The following ASAP1 variants were observed in gnomAD, a reference collection of about 807,000 sequenced individuals.
The protein encoded by ASAP1 is ArfGAP with SH3 domain, ankyrin repeat and PH domain 1.
Under a neutral mutation model 145.2 loss-of-function variants are expected in ASAP1, and 43 were observed. The observed-to-expected ratio is 0.30, with a 90% CI of 0.23 to 0.38. The LOEUF is 0.38. Among genes scored for constraint, ASAP1 ranks in the 10% least tolerant of loss-of-function variants. The pLI is 1.00. For synonymous variants in ASAP1, 546 were observed against 515.5 expected, an observed-to-expected ratio of 1.06 and a Z score of -0.80; for missense variants, 1,018 against 1,355.3, an observed-to-expected ratio of 0.75 and a Z score of 3.91.
At chr8:130,341,033 C>G (rs1018552088) in intron 3 of ASAP1, 3 of 400,664 alleles carry the variant, frequency 7.5e-6, no homozygotes, top group African/African-American at 6.3e-5. Flanking sequence ...GTTTTTTAAC[C>G]GACATTAAAT....
chr8:130,126,902 T>C (rs2097575814), intron 16 of ASAP1, among the ~76,000 whole-genome samples: 1 of 152,218 alleles, frequency 6.6e-6, no homozygotes, highest in African/African-American at 2.4e-5. Flanking sequence ...TGACTCCTAC[T>C]AGCTGTGTGA....
At chr8:130,348,484 A>G (rs1244737104) in intron 3 of ASAP1, among the ~76,000 whole-genome samples, 1 of 152,180 alleles carries the variant, frequency 6.6e-6, no homozygotes, top group Non-Finnish European at 1.5e-5. Flanking sequence ...GTTCTTACAC[A>G]ACTGACCACA....
At chr8:130,158,347 T>TA (rs2097662093) in intron 12 of ASAP1, among the ~76,000 whole-genome samples, 1 of 139,526 alleles carries the variant, frequency 7.2e-6, no homozygotes, top group East Asian at 2.1e-4. Flanking sequence ...CTGCTTATAT[T>TA]TAAAAAAAAA....
At chr8:130,072,826 C>CGCGCGCGCAT (rs1554816421) in intron 27 of ASAP1, among the ~76,000 whole-genome samples, 1 of 13,792 alleles carries the variant, frequency 7.3e-5, no homozygotes, top group African/African-American at 2.0e-4. Context: ...TGTGTGTGTG[C>CGCGCGCGCAT]GCGCGGGGGG....
intron 2 of ASAP1, among the ~76,000 whole-genome samples, chr8:130,387,448 A>C (rs1451529617): frequency 6.6e-6 from 1 of 152,058 alleles, no homozygotes; most frequent in Non-Finnish European, 1.5e-5. Flanking sequence ...AGGCAGGAGA[A>C]TCACTTGGAC....
Position 130,192,011 on chromosome 8 carries a change from AC to A in ASAP1, c.406-3829del, listed in dbSNP as rs1430743823. On this transcript the variant is annotated intron_variant, in intron 5 of 29. Coordinates refer to ENST00000518721, the MANE Select transcript of ASAP1 (RefSeq NM_018482.4). ...ACCGGAAGGTTTCCCAATGTGTGTC[AC>A]CAGAGGGCTTCTCTGGTGACACACA... Among the ~76,000 whole-genome samples the A allele has an allele frequency of 2.0e-5, 3 of 151,866 alleles. No individual in the cohort carries two copies. In the East Asian group the frequency reaches 5.8e-4, roughly 29 times the overall value.
chr8:130,144,867 C>T (rs1051119079), intron 13 of ASAP1, among the ~76,000 whole-genome samples: 1 of 152,092 alleles, frequency 6.6e-6, no homozygotes, highest in African/African-American at 2.4e-5. Context: ...TTCCAGTTGG[C>T]AGAATGTATG....
intron 13 of ASAP1, among the ~76,000 whole-genome samples, chr8:130,140,489 T>C (rs1318862558): frequency 6.6e-6 from 1 of 152,134 alleles, no homozygotes; most frequent in Non-Finnish European, 1.5e-5. Context: ...AAGTACCCAA[T>C]AGTTACCTTT....
intron 3 of ASAP1, among the ~76,000 whole-genome samples, chr8:130,312,841 G>T (rs1272255901): frequency 6.6e-6 from 1 of 152,140 alleles, no homozygotes. Flanking sequence ...TAGCATTCTG[G>T]ATTTGGTTTT....
chr8:130,390,270 C>T (rs936025018), intron 2 of ASAP1, among the ~76,000 whole-genome samples: 3 of 152,138 alleles, frequency 2.0e-5, no homozygotes, highest in Admixed American at 1.3e-4. Context: ...CTCAGTTGTA[C>T]GAAGCACATT....
intron 12 of ASAP1, among the ~76,000 whole-genome samples, chr8:130,153,337 ATATATATATATATATATATATG>A (rs1416764959): frequency 0.1 from 5,761 of 56,770 alleles, 228 homozygotes; most frequent in South Asian, 0.21. Flanking sequence ...TTTTAAATAT[ATATATATATATATATATATATG>A]TATATATATA....
intron 9 of ASAP1, among the ~76,000 whole-genome samples, chr8:130,171,160 A>G (rs1813573241): frequency 6.6e-6 from 1 of 152,118 alleles, no homozygotes; most frequent in South Asian, 2.1e-4. Flanking sequence ...TAAAAACTCC[A>G]AGGTCTAGCC....
At chr8:130,437,029 C>T (rs1269581996) in intron 1 of ASAP1, among the ~76,000 whole-genome samples, 4 of 149,300 alleles carry the variant, frequency 2.7e-5, no homozygotes, top group Middle Eastern at 3.2e-3. Flanking sequence ...CACTTGAACC[C>T]GGGAGGGAGC....
chr8:130,426,960 C>T (rs904311838), intron 1 of ASAP1, among the ~76,000 whole-genome samples: 2 of 152,124 alleles, frequency 1.3e-5, no homozygotes, highest in African/African-American at 4.8e-5. Context: ...TGTTGTCCCG[C>T]CCCTAGAATA....
chr8:130,151,361 A>T (rs1264565494), intron 13 of ASAP1, among the ~76,000 whole-genome samples: 1 of 112,788 alleles, frequency 8.9e-6, no homozygotes, highest in African/African-American at 3.4e-5. Flanking sequence ...AAAGAGCGAG[A>T]CTCAGTCTCA....
chr8:130,293,869 G>C lies in ASAP1; in HGVS notation c.187-56875C>G, dbSNP rs138997730. ...AATGACTCACCAACATTTACTGAAT[G>C]TGCACCATGTGCCTTGCAATGGCCT... is the stretch of plus-strand genomic sequence containing the variant. On this transcript the variant is annotated intron_variant, in intron 3 of 29. Transcript: ENST00000518721. Among the ~76,000 whole-genome samples the C allele has an allele frequency of 2.0e-5, 3 of 152,178 alleles. 1 individual carries two copies. Among genetic ancestry groups the C allele is most frequent in the Admixed American group, 2.0e-4 (3 of 15,284 alleles).
At chr8:130,264,349 ACT>A (rs1475080289) in intron 3 of ASAP1, among the ~76,000 whole-genome samples, 2 of 152,098 alleles carry the variant, frequency 1.3e-5, no homozygotes, top group African/African-American at 4.8e-5. Context: ...GGTCACCAGC[ACT>A]CTGTCCAGAT....
intron 3 of ASAP1, among the ~76,000 whole-genome samples, chr8:130,237,289 A>C (rs1353214065): frequency 5.3e-5 from 8 of 152,096 alleles, no homozygotes; most frequent in Admixed American, 5.3e-4. Context: ...CACTGAAGAA[A>C]TCTTAAGGCT....
intron 3 of ASAP1, among the ~76,000 whole-genome samples, chr8:130,279,971 G>T (rs1241618744): frequency 6.6e-6 from 1 of 152,196 alleles, no homozygotes; most frequent in African/African-American, 2.4e-5. Flanking sequence ...TTAGAAACCT[G>T]AGTCTGTGTC....
Sources: allele counts gnomAD v4.1 joint callset (sites outside exome capture counted in the v4.1 genomes callset), GRCh38; gene constraint gnomAD v4.1.1; transcripts MANE v1.5; gene names NCBI Gene and HGNC (gene_info 2026-07-23, HGNC 2026-07-21).